Variants in FGF13 observed in about 807,000 individuals in gnomAD.
FGF13 encodes fibroblast growth factor homologous factor 2.
In FGF13, 2 loss-of-function variants were observed where a neutral mutation model predicts 19.5. The ratio of observed to expected loss-of-function variants is 0.10; its 90% CI spans 0.04 to 0.32. The LOEUF (loss-of-function observed/expected upper bound fraction) is 0.32, where lower values mean the gene tolerates loss of function less well. FGF13 is among the 10% of genes least tolerant of loss of function. The pLI, the probability that FGF13 is intolerant of heterozygous loss-of-function variation, is 1.00. For missense variants in FGF13, 113 were observed against 192.7 expected, an observed-to-expected ratio of 0.59 and a Z score of 2.45; for synonymous variants, 72 against 76.9, an observed-to-expected ratio of 0.94 and a Z score of 0.33.
At chrX:138,893,053 C>T (rs923306042) in intron 1 of FGF13, among the ~76,000 whole-genome samples, 43 of 110,609 alleles carry the variant, frequency 3.9e-4, no homozygotes, top group African/African-American at 1.3e-3. Context: ...AGGTAGCTAC[C>T]GAGGCAGCTC....
chrX:139,161,172 G>T (rs898938341), intron 1 of FGF13, among the ~76,000 whole-genome samples: 11 of 111,739 alleles, frequency 9.8e-5, no homozygotes, highest in African/African-American at 3.6e-4. Flanking sequence ...TTCATCCCTG[G>T]GATGCAAGGC....
At chrX:139,136,310 T>C (rs936353995) in intron 1 of FGF13, among the ~76,000 whole-genome samples, 2 of 111,300 alleles carry the variant, frequency 1.8e-5, no homozygotes, top group African/African-American at 3.3e-5. Flanking sequence ...ACCTGAGTAG[T>C]GTACACTGTA....
At chrX:139,007,928 C>A (rs752001189) in intron 1 of FGF13, among the ~76,000 whole-genome samples, 12 of 112,762 alleles carry the variant, frequency 1.1e-4, no homozygotes, top group Non-Finnish European at 2.2e-4. Context: ...CACTGGCTAT[C>A]TGGAAATAGA....
At chrX:138,902,181 ATTTTC>A (rs2091534536) in intron 1 of FGF13, among the ~76,000 whole-genome samples, 1 of 112,125 alleles carries the variant, frequency 8.9e-6, no homozygotes, top group African/African-American at 3.2e-5. Context: ...GCAGAAATCT[ATTTTC>A]CGGTCTTTTA....
chrX:138,831,338 C>T (rs760696210), intron 3 of FGF13, among the ~76,000 whole-genome samples: 4 of 110,485 alleles, frequency 3.6e-5, no homozygotes, highest in Non-Finnish European at 5.7e-5. Context: ...ACTATGGGGC[C>T]ACAAGTGGGC....
Position 138,725,162 on chromosome X carries a change from C to A in FGF13, c.28+14080G>T, listed in dbSNP as rs575449746. On this transcript the variant is annotated intron_variant, in intron 1 of 4. Coordinates refer to the FGF13 transcript ENST00000305414. ...TTGATCTGGAAACCACCTCAGAGAA[C>A]CATCTGGTCTGAACAGAGTTTCTAC... Among the ~76,000 whole-genome samples the A allele has an allele frequency of 1.9e-4, 21 of 111,782 alleles. No individual in the cohort carries two copies. The East Asian group carries it at 5.4e-3, about 29-fold the overall frequency.
chrX:139,055,518 C>T (rs2092318255), intron 1 of FGF13, among the ~76,000 whole-genome samples: 1 of 112,494 alleles, frequency 8.9e-6, no homozygotes, highest in Non-Finnish European at 1.9e-5. Flanking sequence ...TAATTTTTCA[C>T]TCAGAATTGT....
At chrX:138,826,232 A>G (rs2091033700) in intron 3 of FGF13, among the ~76,000 whole-genome samples, 1 of 111,902 alleles carries the variant, frequency 8.9e-6, no homozygotes, top group Non-Finnish European at 1.9e-5. Context: ...CTCTAGTTTT[A>G]GGATGCCTTG....
chrX:138,784,183 G>T (rs1405107601), intron 3 of FGF13, among the ~76,000 whole-genome samples: 1 of 67,680 alleles, frequency 1.5e-5, no homozygotes, highest in Non-Finnish European at 2.7e-5. Context: ...GGGGAGGGGG[G>T]AGGGATAGCA....
intron 1 of FGF13, among the ~76,000 whole-genome samples, chrX:138,877,074 T>G (rs1015307708): frequency 6.3e-5 from 7 of 111,460 alleles, no homozygotes. Context: ...TGAGAACACA[T>G]GGACACCAGG....
chrX:138,810,059 C>A (rs1376953116), intron 3 of FGF13, among the ~76,000 whole-genome samples: 1 of 111,842 alleles, frequency 8.9e-6, no homozygotes, highest in Non-Finnish European at 1.9e-5. Flanking sequence ...CATCAAGCTA[C>A]CAATGACTTT....
intron 1 of FGF13, among the ~76,000 whole-genome samples, chrX:139,063,604 TAG>T (rs1219335025): frequency 9.0e-6 from 1 of 111,614 alleles, no homozygotes; most frequent in African/African-American, 3.3e-5. Context: ...TCGAAATTTA[TAG>T]AGTGTTTTAT....
chrX:139,144,554 C>T lies in FGF13; in HGVS notation c.-113+58862G>A, dbSNP rs905003736. On this transcript the variant is annotated intron_variant, in intron 1 of 2. Coordinates refer to the FGF13 transcript ENST00000421460. The stretch of plus-strand genomic sequence containing the variant: ...CCTGCAATGGTCTCCTTCCTGGTCT[C>T]CCTGCCCAGTCTTCCCCCATCCTTA... Among the ~76,000 whole-genome samples the T allele has an allele frequency of 3.6e-5, 4 of 111,662 alleles. 1 individual carries two copies. The highest frequency in any genetic ancestry group is 9.2e-3 in the Middle Eastern group (2 of 218).
chrX:138,733,019 A>G (rs1373754254), intron 1 of FGF13, among the ~76,000 whole-genome samples: 1 of 111,676 alleles, frequency 9.0e-6, no homozygotes, highest in African/African-American at 3.3e-5. Flanking sequence ...TGGGCTGCAG[A>G]ATTTTCAGCC....
chrX:138,818,331 C>A (rs2090974942), intron 3 of FGF13, among the ~76,000 whole-genome samples: 1 of 110,300 alleles, frequency 9.1e-6, no homozygotes, highest in African/African-American at 3.3e-5. Flanking sequence ...GGAAATTCAC[C>A]ACTACTTACG....
intron 1 of FGF13, among the ~76,000 whole-genome samples, chrX:139,017,151 G>T (rs369270500): frequency 3.4e-4 from 36 of 107,203 alleles, no homozygotes; most frequent in Admixed American, 9.0e-4. Flanking sequence ...AAACATCCAG[G>T]CCAGGATGGT....
rs1376792413 is a variant in FGF13 at position 139,151,399 on chromosome X, T to A, written c.-113+52017A>T. On this transcript the variant is annotated intron_variant, in intron 1 of 2. Coordinates refer to the FGF13 transcript ENST00000421460. ...CCTTGTCAATGTGGTTTATATTTGA[T>A]CTTCAGTTTATATGTTATCATTTAA... is the stretch of plus-strand genomic sequence containing the variant. Among the ~76,000 whole-genome samples the A allele has an allele frequency of 4.5e-5, 5 of 112,101 alleles. No individual in the cohort carries two copies. The East Asian group carries it at 1.4e-3, about 31-fold the overall frequency.
intron 1 of FGF13, among the ~76,000 whole-genome samples, chrX:138,941,911 T>C (rs973040339): frequency 2.7e-5 from 3 of 112,306 alleles, no homozygotes; most frequent in African/African-American, 9.7e-5. Context: ...GAGCACCAGA[T>C]AGAGCTTAAA....
chrX:139,112,422 A>G (rs1185375738), intron 1 of FGF13, among the ~76,000 whole-genome samples: 1 of 112,177 alleles, frequency 8.9e-6, no homozygotes, highest in African/African-American at 3.2e-5. Context: ...TGACTCATTT[A>G]AAATATGCAA....
Sources: gnomAD v4.1 joint callset for allele counts (sites outside exome capture counted in the v4.1 genomes callset) on GRCh38, gnomAD v4.1.1 for gene constraint, MANE v1.5 for transcripts, NCBI Gene and HGNC (gene_info 2026-07-23, HGNC 2026-07-21) for gene names.